GUSB: variants seen among roughly 807,000 people sequenced by gnomAD.
The protein encoded by GUSB is glucuronidase beta, also known as beta-glucuronidase.
Under a neutral mutation model 74.6 loss-of-function variants are expected in GUSB, and 51 were observed. The observed-to-expected ratio is 0.68, with a 90% CI of 0.55 to 0.86. The LOEUF (loss-of-function observed/expected upper bound fraction) is 0.86, where lower values mean the gene tolerates loss of function less well. Ranked by LOEUF, GUSB falls within the 40% of genes least tolerant of loss-of-function variation. The probability of loss-of-function intolerance (pLI) is 0.00; values close to 1 mark genes in which losing one functional copy is unlikely to be tolerated. For synonymous variants in GUSB, 360 were observed against 348.3 expected, an observed-to-expected ratio of 1.03 and a Z score of -0.37; for missense variants, 736 against 853.7, an observed-to-expected ratio of 0.86 and a Z score of 1.72.
intron 2 of GUSB, 143 bp from the exon 3 acceptor site, chr7:65,980,054 T>TA: frequency 1.1e-6 from 1 of 931,708 alleles, no homozygotes; most frequent in Non-Finnish European, 1.6e-6. Flanking sequence ...CCCAATGGGG[T>TA]AGATCAGGCT....
chr7:65,972,137 G>A (rs903715163), intron 8 of GUSB, among the ~76,000 whole-genome samples: 3 of 152,164 alleles, frequency 2.0e-5, no homozygotes, highest in African/African-American at 7.2e-5. Flanking sequence ...GCACCTGCCC[G>A]AGGCCTCCAC....
At chr7:65,969,557 C>G (rs765261348) in intron 9 of GUSB, among the ~76,000 whole-genome samples, 2 of 151,800 alleles carry the variant, frequency 1.3e-5, no homozygotes, top group African/African-American at 4.8e-5. Flanking sequence ...ATTAGCTAGG[C>G]GCAGTGGTGA....
chr7:65,979,795 G>A lies in GUSB; in HGVS notation c.513C>T (p.Ala171=). ...PLPSRLRITI[A]INNTLTPTTL... ...TGGTGGGGGTGAGTGTGTTGTTGAT[G>A]GCGATAGTGATTCGGAGCCGGGAGG... The change falls in exon 3 of 12, where the codon GCC becomes GCT. Residue 171 remains alanine (A), a synonymous_variant. Coordinates refer to ENST00000304895, the MANE Select transcript of GUSB (RefSeq NM_000181.4). 6.2e-7 allele frequency: 1 copy of A among 1,613,852 alleles called. No individual in the cohort carries two copies. The highest frequency in any genetic ancestry group is 1.1e-5 in the South Asian group (1 of 91,090).
intron 7 of GUSB, 34 bp from the exon 8 acceptor site, chr7:65,974,475 G>A (rs747918630): frequency 6.8e-6 from 11 of 1,613,962 alleles, no homozygotes; most frequent in Admixed American, 6.7e-5. Flanking sequence ...AGAGGGTCAC[G>A]GTGACGCCCC....
rs1043622470 is a variant in GUSB at position 65,981,990 on chromosome 7, C to A, written c.194G>T (p.Arg65Leu). The change falls in exon 1 of 12, where the codon CGG becomes CTG. Residue 65 changes from arginine to leucine, a missense_variant. Arg to Leu is a moderately radical substitution (Grantham distance 102). Coordinates refer to ENST00000304895, the MANE Select transcript of GUSB (RefSeq NM_000181.4). ...AGATCGCACCTCCCACAGCGGCCGC[C>A]GGTACCACTGCTCCTCGAAGCCCCG... ...RRRGFEEQWY[R>L]RPLWESGPTV... 6.2e-7 allele frequency: 1 copy of A among 1,608,282 alleles called. No individual in the cohort carries two copies. The highest frequency in any genetic ancestry group is 8.5e-7 in the Non-Finnish European group (1 of 1,179,016).
intron 2 of GUSB, 39 bp downstream of exon 2, chr7:65,980,185 G>GGGGGGGGCC: frequency 1.2e-5 from 9 of 725,274 alleles, no homozygotes; most frequent in African/African-American, 1.9e-5. Flanking sequence ...CAGCAGCCGT[G>GGGGGGGGCC]CCCCCCCACC....
Position 65,980,063 on chromosome 7 carries a change from C to G in GUSB, c.397-152G>C, listed in dbSNP as rs142873837. On this transcript the variant is annotated intron_variant, in intron 2 of 11. Coordinates refer to ENST00000304895, the MANE Select transcript of GUSB (RefSeq NM_000181.4). ...TGACATCCCAATGGGGTAGATCAGG[C>G]TACCTATCCCCCTATACAGGGCACA... 3.2e-4 allele frequency: 308 copies of G among 951,294 alleles called. 1 individual carries two copies. The East Asian group carries it at 7.2e-3, about 22-fold the overall frequency. 58.9% of individuals were successfully genotyped at this position (951,294 alleles called of 1,614,324 possible).
intron 11 of GUSB, among the ~76,000 whole-genome samples, chr7:65,963,616 G>A (rs1252072396): frequency 6.6e-6 from 1 of 152,124 alleles, no homozygotes; most frequent in Non-Finnish European, 1.5e-5. Context: ...TGCAATCATA[G>A]TTCACTGCAG....
intron 4 of GUSB, among the ~76,000 whole-genome samples, chr7:65,979,120 G>A (rs1387924099): frequency 6.6e-6 from 1 of 152,178 alleles, no homozygotes; most frequent in African/African-American, 2.4e-5. Flanking sequence ...AGCAAGGGGA[G>A]ATGGAGTGAG....
Position 65,979,388 on chromosome 7 carries a change from G to A in GUSB, c.724+11C>T. 1.9e-6 allele frequency: 3 copies of A among 1,612,738 alleles called. No individual in the cohort carries two copies. The highest frequency in any genetic ancestry group is 2.5e-6 in the Non-Finnish European group (3 of 1,179,444). ...GGGCCCCGCTGAGAGGATCCTACCA[G>A]AAGCCCTCACCACTGTCTTGCTCCA... On this transcript the variant is annotated intron_variant, in intron 4 of 11. Transcript: ENST00000304895.
chr7:65,961,596 G>A (rs1790500369), intron 11 of GUSB, among the ~76,000 whole-genome samples: 1 of 152,210 alleles, frequency 6.6e-6, no homozygotes, highest in Admixed American at 6.5e-5. Context: ...GTGGCCAGGT[G>A]TGGTGGCCAA....
chr7:65,971,154 G>A (rs1405537045), intron 8 of GUSB, among the ~76,000 whole-genome samples: 1 of 152,188 alleles, frequency 6.6e-6, no homozygotes, highest in Non-Finnish European at 1.5e-5. Flanking sequence ...AACACAGGAG[G>A]TGGATGGATG....
At position 65,976,062 on chromosome 7, in the gene GUSB, A is replaced by G; in HGVS notation, c.865T>C (p.Trp289Arg). ...QLKVPGVSLW[W>R]PYLMHERPAY... Reference sequence around the variant, plus strand: ...GGGCGTTCGTGCATCAGGTACGGCCACCAGAGGCTGACACCTGGCACCTTA... The same window carrying G: ...GGGCGTTCGTGCATCAGGTACGGCCGCCAGAGGCTGACACCTGGCACCTTA... Residue 289 changes from tryptophan (W) to arginine (R), a missense_variant, in exon 5 of 12, where the codon TGG becomes CGG. Trp to Arg is a moderately radical substitution (Grantham distance 101). Around this residue, in one of 2 missense-constraint regions of GUSB, gnomAD observed 368 missense variants for 489.9 expected, o/e 0.75. Coordinates refer to ENST00000304895, the MANE Select transcript of GUSB (RefSeq NM_000181.4). 1.9e-6 allele frequency: 3 copies of G among 1,613,854 alleles called. No individual in the cohort carries two copies. Among genetic ancestry groups the G allele is most frequent in the Non-Finnish European group, 2.5e-6 (3 of 1,179,994 alleles).
chr7:65,976,321 T>C, intron 4 of GUSB, 119 bp from the exon 5 acceptor site: 1 of 729,640 alleles, frequency 1.4e-6, no homozygotes, highest in South Asian at 1.6e-5. Context: ...TTTTTTAAAT[T>C]TAATTTCTTA....
intron 11 of GUSB, among the ~76,000 whole-genome samples, chr7:65,961,459 T>C (rs1016263198): frequency 6.6e-6 from 1 of 152,198 alleles, no homozygotes; most frequent in East Asian, 1.9e-4. Context: ...AGTTTCAGGA[T>C]GCTTGCTCTG....
At chr7:65,974,163 C>G (rs1469412251) in intron 8 of GUSB, 132 bp downstream of exon 8, 8 of 799,118 alleles carry the variant, frequency 1.0e-5, no homozygotes, top group African/African-American at 1.7e-5. Context: ...GTCCCCTGAA[C>G]TATCTGGGTA....
intron 8 of GUSB, among the ~76,000 whole-genome samples, chr7:65,971,051 C>G (rs1470408298): frequency 1.3e-5 from 2 of 152,264 alleles, no homozygotes; most frequent in East Asian, 1.9e-4. Context: ...TCCTATACCC[C>G]CAGAGGAGCA....
Position 65,962,702 on chromosome 7 carries a change from G to A in GUSB, c.1789+1621C>T, listed in dbSNP as rs569904211. On this transcript the variant is annotated intron_variant, in intron 11 of 11. Transcript: ENST00000304895. ...AGCCTGACCAACATGGAGAAACCCCGTCTCTACTAAAAATACAAAATTAGC... is the reference window on the plus strand; with the variant it reads ...AGCCTGACCAACATGGAGAAACCCCATCTCTACTAAAAATACAAAATTAGC... Among the ~76,000 whole-genome samples, 283 of 151,900 alleles carry A rather than the reference G, an allele frequency of 1.9e-3. 3 individuals carry two copies. Among genetic ancestry groups the A allele is most frequent in the African/African-American group, 6.7e-3 (276 of 41,448 alleles).
chr7:65,982,144 G>A lies in GUSB; in HGVS notation c.40C>T (p.Pro14Ser), dbSNP rs1186126538. The A allele has an allele frequency of 3.9e-6, 6 of 1,539,786 alleles. No homozygotes were observed. The highest frequency in any genetic ancestry group is 4.4e-6 in the Non-Finnish European group (5 of 1,143,144). Residue 14 changes from proline to serine, a missense_variant, in exon 1 of 12, where the codon CCG becomes TCG. Transcript: ENST00000304895. ...CCCAGCGCGCAGCCCCACAACAACG[G>A]CCCGAGCGCCGCCCAGGCAACCGCC... Reference protein sequence around the residue: ...GSAVAWAALGPLLWGCALGLQ... With the variant: ...GSAVAWAALGSLLWGCALGLQ...
Sources: gnomAD v4.1 joint callset for allele counts (sites outside exome capture counted in the v4.1 genomes callset) on GRCh38, gnomAD v4.1.1 for gene constraint, gnomAD v4.1.1 regional missense constraint, MANE v1.5 for transcripts, NCBI Gene and HGNC (gene_info 2026-07-23, HGNC 2026-07-21) for gene names.